The following SMYD3 variants were observed in gnomAD, a reference collection of about 807,000 sequenced individuals.
SMYD3 encodes the protein SET and MYND domain containing 3.
SMYD3 carries 36 observed loss-of-function variants against 57.7 expected under a neutral mutation model. The ratio of observed to expected loss-of-function variants is 0.62; its 90% CI spans 0.48 to 0.82. The LOEUF (loss-of-function observed/expected upper bound fraction) is 0.82. SMYD3 is among the 40% of genes least tolerant of loss of function. The pLI, the probability that SMYD3 is intolerant of heterozygous loss-of-function variation, is 0.00. For synonymous variants in SMYD3, 211 were observed against 195.0 expected (o/e 1.08, Z -0.68); for missense variants, 515 against 538.8 (o/e 0.96, Z 0.44).
intron 5 of SMYD3, among the ~76,000 whole-genome samples, chr1:246,048,595 T>C (rs1054219285): frequency 3.3e-5 from 5 of 152,090 alleles, no homozygotes; most frequent in East Asian, 1.9e-4. Flanking sequence ...TATACAGTAG[T>C]AAGGGCTCTA....
At chr1:245,810,051 T>C (rs979879822) in intron 10 of SMYD3, among the ~76,000 whole-genome samples, 6 of 152,130 alleles carry the variant, frequency 3.9e-5, no homozygotes, top group Non-Finnish European at 5.9e-5. Context: ...TACCATCCAT[T>C]TCACCACCAG....
intron 5 of SMYD3, among the ~76,000 whole-genome samples, chr1:246,103,865 T>C (rs956505002): frequency 6.6e-6 from 1 of 152,196 alleles, no homozygotes; most frequent in African/African-American, 2.4e-5. Context: ...GTGCCATCTC[T>C]CCTCATTTGT....
chr1:246,447,509 G>C (rs976088089), intron 1 of SMYD3, among the ~76,000 whole-genome samples: 1 of 151,298 alleles, frequency 6.6e-6, no homozygotes, highest in African/African-American at 2.5e-5. Flanking sequence ...ACAAATACAC[G>C]AGACAGAAAC....
intron 1 of SMYD3, among the ~76,000 whole-genome samples, chr1:246,375,224 A>G (rs1332555294): frequency 6.6e-6 from 1 of 152,092 alleles, no homozygotes; most frequent in African/African-American, 2.4e-5. Context: ...ATCTACTAGG[A>G]GGAATGAATG....
At chr1:246,370,272 A>G (rs1379712391) in intron 1 of SMYD3, among the ~76,000 whole-genome samples, 1 of 152,226 alleles carries the variant, frequency 6.6e-6, no homozygotes, top group African/African-American at 2.4e-5. Context: ...CAATCAAGAA[A>G]GGCAGACCAA....
At chr1:246,076,873 C>T (rs140391639) in intron 5 of SMYD3, among the ~76,000 whole-genome samples, 2 of 152,206 alleles carry the variant, frequency 1.3e-5, no homozygotes, top group South Asian at 2.1e-4. Flanking sequence ...GGCCCCTTAT[C>T]GTCTAAGACT....
chr1:245,967,230 TTATAA>T (rs562005508), intron 5 of SMYD3, among the ~76,000 whole-genome samples: 71 of 152,302 alleles, frequency 4.7e-4, no homozygotes, highest in African/African-American at 1.6e-3. Context: ...TAATCTGGCT[TTATAA>T]TATATTTCAC....
intron 5 of SMYD3, among the ~76,000 whole-genome samples, chr1:245,971,327 G>C (rs1183381108): frequency 1.3e-5 from 2 of 152,156 alleles, no homozygotes; most frequent in East Asian, 3.8e-4. Flanking sequence ...GATAGCATTA[G>C]AAGAAATACC....
intron 8 of SMYD3, among the ~76,000 whole-genome samples, chr1:245,878,254 G>A (rs1424565748): frequency 6.6e-6 from 1 of 152,206 alleles, no homozygotes; most frequent in African/African-American, 2.4e-5. Flanking sequence ...AGAGGCAAGA[G>A]CTGAGCTGGA....
At chr1:246,445,928 G>A (rs927630038) in intron 1 of SMYD3, among the ~76,000 whole-genome samples, 1 of 151,728 alleles carries the variant, frequency 6.6e-6, no homozygotes, top group African/African-American at 2.4e-5. Flanking sequence ...AGGCATTACT[G>A]TACATCTGAT....
intron 5 of SMYD3, among the ~76,000 whole-genome samples, chr1:246,217,416 G>C (rs1366993771): frequency 6.6e-6 from 1 of 152,094 alleles, no homozygotes; most frequent in African/African-American, 2.4e-5. Flanking sequence ...GGCTGGGATG[G>C]GAGGATCGCT....
At chr1:246,216,307 A>T (rs1317378825) in intron 5 of SMYD3, among the ~76,000 whole-genome samples, 1 of 134,884 alleles carries the variant, frequency 7.4e-6, no homozygotes, top group Non-Finnish European at 1.6e-5. Context: ...AAAAACTCAT[A>T]AGCAGACTTC....
intron 5 of SMYD3, among the ~76,000 whole-genome samples, chr1:246,095,720 C>A (rs937989448): frequency 8.5e-5 from 13 of 152,202 alleles, no homozygotes; most frequent in African/African-American, 3.1e-4. Flanking sequence ...TGTACAAAAA[C>A]TCAAAACTAA....
intron 5 of SMYD3, among the ~76,000 whole-genome samples, chr1:246,163,191 T>C (rs2062151073): frequency 6.6e-6 from 1 of 152,204 alleles, no homozygotes; most frequent in African/African-American, 2.4e-5. Context: ...TATATGACTA[T>C]AAAATGACAA....
chr1:246,378,644 T>TAC (rs2066319791), intron 1 of SMYD3, among the ~76,000 whole-genome samples: 1 of 132,556 alleles, frequency 7.5e-6, no homozygotes, highest in South Asian at 2.2e-4. Context: ...CCCCTTCATA[T>TAC]ATATATATAT....
rs373842110 is a variant in SMYD3, at chr1:246,194,228, T to C, written c.531+132973A>G. Reference sequence around the variant, plus strand: ...ACTTCCTAAGGGGAAAAGTAAACATTTTTTTGAACACTTCATATACTACAG... The same window carrying C: ...ACTTCCTAAGGGGAAAAGTAAACATCTTTTTGAACACTTCATATACTACAG... On this transcript the variant is annotated intron_variant, in intron 5 of 11. Coordinates refer to ENST00000490107, the MANE Select transcript of SMYD3 (RefSeq NM_001167740.2). Among the ~76,000 whole-genome samples, 23 of 116,600 alleles carry C rather than the reference T, an allele frequency of 2.0e-4. No individual in the cohort carries two copies. In the African/African-American group the frequency reaches 2.0e-3, roughly 10 times the overall value. The allele number at this position is 116,600 out of a possible 152,430, so 76.5% of individuals were successfully genotyped here.
chr1:246,228,956 C>A (rs1165167387), intron 5 of SMYD3, among the ~76,000 whole-genome samples: 1 of 151,956 alleles, frequency 6.6e-6, no homozygotes, highest in African/African-American at 2.4e-5. Flanking sequence ...AATTTTTGAG[C>A]CAACTTTTTT....
intron 5 of SMYD3, among the ~76,000 whole-genome samples, chr1:246,190,760 G>A (rs12119182): frequency 0.069 from 10,480 of 151,956 alleles, 507 homozygotes; most frequent in African/African-American, 0.13. Context: ...GAAGATAGTC[G>A]AGGTCAAGAT....
chr1:246,219,655 A>C (rs6696764), intron 5 of SMYD3, among the ~76,000 whole-genome samples: 26,980 of 152,134 alleles, frequency 0.18, 2,779 homozygotes, highest in East Asian at 0.34. Context: ...TTGAGCTGTT[A>C]ACGCATAAGC....
Sources: allele counts gnomAD v4.1 joint callset (sites outside exome capture counted in the v4.1 genomes callset), GRCh38; gene constraint gnomAD v4.1.1; transcripts MANE v1.5; gene names NCBI Gene and HGNC (gene_info 2026-07-23, HGNC 2026-07-21).